VTCN1: variants seen among roughly 807,000 people sequenced by gnomAD.
VTCN1 encodes V-set domain containing T cell activation inhibitor 1.
Under a neutral mutation model 26.5 loss-of-function variants are expected in VTCN1, and 26 were observed. The observed-to-expected ratio is 0.98, with a 90% CI of 0.72 to 1.36. The LOEUF (loss-of-function observed/expected upper bound fraction) is 1.36, where lower values mean the gene tolerates loss of function less well. Among genes scored for constraint, VTCN1 ranks in the 40% most tolerant of loss-of-function variants. The pLI is 0.00. For synonymous variants in VTCN1, 116 were observed against 130.7 expected (o/e 0.89, Z 0.77); for missense variants, 298 against 337.7 (o/e 0.88, Z 0.92).
At chr1:117,177,617 T>C (rs1456071917) in intron 1 of VTCN1, among the ~76,000 whole-genome samples, 1 of 152,206 alleles carries the variant, frequency 6.6e-6, no homozygotes. Context: ...GGGAATTGCA[T>C]ATAAGAGACT....
Position 117,143,930 on chromosome 1 carries a change from T to A in VTCN1, c.*1341A>T, listed in dbSNP as rs1651381249. 1 of 152,210 alleles carries A rather than the reference T, an allele frequency of 6.6e-6. No individual in the cohort carries two copies. The highest frequency in any genetic ancestry group is 6.5e-5 in the Admixed American group (1 of 15,278). The allele number at this position is 152,210 out of a possible 1,614,324, so 9.4% of individuals were successfully genotyped here. On this transcript the variant is annotated 3_prime_UTR_variant, in exon 6 of 6. Transcript: ENST00000369458. ...CTGAGCTAGAACTCAGGCATTTCTC[T>A]TACAGAACTTGGCTTGCAGGGTAGA...
At chr1:117,173,391 A>AC (rs1364225056) in intron 1 of VTCN1, 10 of 320,150 alleles carry the variant, frequency 3.1e-5, no homozygotes, top group Admixed American at 1.6e-4. Context: ...CACACACACA[A>AC]CACCATGTAA....
intron 1 of VTCN1, among the ~76,000 whole-genome samples, chr1:117,206,711 C>G (rs1172293753): frequency 6.6e-6 from 1 of 152,190 alleles, no homozygotes; most frequent in East Asian, 1.9e-4. Flanking sequence ...CAATTGATGG[C>G]AACTAGAAAG....
At chr1:117,157,595 C>T (rs7544649) in intron 2 of VTCN1, among the ~76,000 whole-genome samples, 4,551 of 152,242 alleles carry the variant, frequency 0.03, 238 homozygotes, top group African/African-American at 0.1. Flanking sequence ...TCCCACAACA[C>T]ATGGGAATTA....
intron 2 of VTCN1, among the ~76,000 whole-genome samples, chr1:117,163,387 T>A (rs1031837553): frequency 2.6e-5 from 4 of 152,194 alleles, no homozygotes; most frequent in African/African-American, 9.7e-5. Flanking sequence ...GACTTAATGA[T>A]ACAATGCAGG....
intron 1 of VTCN1, among the ~76,000 whole-genome samples, chr1:117,198,171 C>A (rs1046364287): frequency 6.6e-6 from 1 of 152,226 alleles, no homozygotes; most frequent in Non-Finnish European, 1.5e-5. Flanking sequence ...TCATCTTCCA[C>A]TTCCCTGAAG....
chr1:117,157,094 T>C, intron 2 of VTCN1, 173 bp from the exon 3 acceptor site: 1 of 362,190 alleles, frequency 2.8e-6, no homozygotes, highest in Non-Finnish European at 4.6e-6. Flanking sequence ...ATCATTTTGA[T>C]ATATATATAT....
rs990739610 is a variant in VTCN1, at chr1:117,147,901, A to C, written c.725-119T>G. 9 of 1,361,548 alleles carry C rather than the reference A, an allele frequency of 6.6e-6. No individual in the cohort carries two copies. The highest frequency in any genetic ancestry group is 1.5e-5 in the African/African-American group (1 of 68,016). 84.3% of individuals were successfully genotyped at this position (1,361,548 alleles called of 1,614,324 possible). A position where few individuals can be genotyped will look rare whatever the true frequency, so the allele number is the denominator to read the frequency against. ...GAACAAGTTGTTCCTAATTCAGGCA[A>C]TTTTTTACCCCTTTGCCCACCTCTC... On this transcript the variant is annotated intron_variant, in intron 4 of 5. Coordinates refer to ENST00000369458, the MANE Select transcript of VTCN1 (RefSeq NM_024626.4). This position sits in a 1 kb window ranked among gnomAD's most constrained non-coding sequence, Gnocchi z 4.6.
intron 1 of VTCN1, among the ~76,000 whole-genome samples, chr1:117,178,122 A>G (rs1027258308): frequency 5.3e-5 from 8 of 151,936 alleles, no homozygotes; most frequent in Admixed American, 2.0e-4. Context: ...AAAAATTTGT[A>G]GAGACAAGTT....
rs1029326747 is a variant in VTCN1, at chr1:117,161,153, C to A, written c.98-4232G>T. On this transcript the variant is annotated intron_variant, in intron 2 of 5. Coordinates refer to ENST00000369458, the MANE Select transcript of VTCN1 (RefSeq NM_024626.4). The surrounding 1 kb of genome is among the most constrained non-coding windows in gnomAD (Gnocchi z 4.3). Reference sequence around the variant, plus strand: ...ATAAGAACACAACACACCTCCATTCCCTGCATTGGTATTTTCTTGAACATT... The same window carrying A: ...ATAAGAACACAACACACCTCCATTCACTGCATTGGTATTTTCTTGAACATT... Among the ~76,000 whole-genome samples, 7 of 152,142 alleles carry A rather than the reference C, an allele frequency of 4.6e-5. No homozygotes were observed. The highest frequency in any genetic ancestry group is 1.7e-4 in the African/African-American group (7 of 41,420).
In VTCN1 at chr1:117,175,106, G is replaced by A. The variant is rs1214645821; in HGVS notation, c.33-4935C>T. Among the ~76,000 whole-genome samples the A allele has an allele frequency of 1.3e-5, 2 of 152,204 alleles. No homozygotes were observed. The highest frequency in any genetic ancestry group is 4.8e-5 in the African/African-American group (2 of 41,454). ...GCTTCAGCTGCTGCTGCCTTCTGCA[G>A]CATGTGAAAGAAATTGGGCCTTTGT... On this transcript the variant is annotated intron_variant, in intron 1 of 5. Coordinates refer to ENST00000369458, the MANE Select transcript of VTCN1 (RefSeq NM_024626.4). This position sits in a 1 kb window ranked among gnomAD's most constrained non-coding sequence, Gnocchi z 4.2.
In VTCN1 at chr1:117,167,055, T is replaced by C. The variant is rs1275320135; in HGVS notation, c.97+3052A>G. 6.7e-6 allele frequency among the ~76,000 whole-genome samples: 1 copy of C among 149,726 alleles called. No individual in the cohort carries two copies. The highest frequency in any genetic ancestry group is 1.5e-5 in the Non-Finnish European group (1 of 67,832). On this transcript the variant is annotated intron_variant, in intron 2 of 5. Transcript: ENST00000369458. This position sits in a 1 kb window ranked among gnomAD's most constrained non-coding sequence, Gnocchi z 4.1. ...CTGCAGTGAGCCGAGATTATGCCAC[T>C]GTACTCCAGCCTGAGCGACAGAGCA...
At chr1:117,207,895 C>T (rs899688208) in intron 1 of VTCN1, among the ~76,000 whole-genome samples, 2 of 152,234 alleles carry the variant, frequency 1.3e-5, no homozygotes, top group Middle Eastern at 3.2e-3. Context: ...TACTCTCACT[C>T]TCATCTATGC....
intron 1 of VTCN1, among the ~76,000 whole-genome samples, chr1:117,188,758 C>T (rs1046813798): frequency 5.3e-5 from 8 of 152,178 alleles, no homozygotes; most frequent in African/African-American, 1.9e-4. Flanking sequence ...CCCCCAAGAT[C>T]CTTCAGGCCA....
chr1:117,186,920 G>A (rs943779102), intron 1 of VTCN1, among the ~76,000 whole-genome samples: 1 of 151,932 alleles, frequency 6.6e-6, no homozygotes, highest in Admixed American at 6.6e-5. Flanking sequence ...ATTCCTTAGG[G>A]CAGATTCAGA....
chr1:117,173,389 C>CACAA (rs3220602), intron 1 of VTCN1: 3 of 476,156 alleles, frequency 6.3e-6, no homozygotes, highest in Admixed American at 3.8e-5. Flanking sequence ...CACACACACA[C>CACAA]AACACCATGT....
chr1:117,160,223 G>C (rs970999062), intron 2 of VTCN1, among the ~76,000 whole-genome samples: 2 of 152,088 alleles, frequency 1.3e-5, no homozygotes, highest in South Asian at 4.1e-4. Flanking sequence ...TGGATCCTGG[G>C]GTGTTCAGGT....
intron 1 of VTCN1, among the ~76,000 whole-genome samples, chr1:117,172,115 C>T (rs763774669): frequency 6.6e-6 from 1 of 152,172 alleles, no homozygotes; most frequent in Non-Finnish European, 1.5e-5. Context: ...CCAACACCCA[C>T]GCTGATGTTA....
chr1:117,189,789 ATCCCCCACTCCTAT>A (rs1372419059), intron 1 of VTCN1, among the ~76,000 whole-genome samples: 1 of 152,126 alleles, frequency 6.6e-6, no homozygotes, highest in Non-Finnish European at 1.5e-5. Flanking sequence ...GGGATAGGAG[ATCCCCCACTCCTAT>A]TCCCCCACAG....
Sources: allele counts gnomAD v4.1 joint callset (sites outside exome capture counted in the v4.1 genomes callset), GRCh38; gene constraint gnomAD v4.1.1; non-coding constraint Gnocchi (gnomAD v3.1); transcripts MANE v1.5; gene names NCBI Gene and HGNC (gene_info 2026-07-23, HGNC 2026-07-21).